The following GRB7 variants were observed in gnomAD, a reference collection of about 807,000 sequenced individuals.
The protein encoded by GRB7 is growth factor receptor-bound protein 7.
Under a neutral mutation model 64.1 loss-of-function variants are expected in GRB7, and 47 were observed. That is an observed-to-expected ratio of 0.73 (90% CI 0.58 to 0.94). The LOEUF (loss-of-function observed/expected upper bound fraction) is 0.94, where lower values mean the gene tolerates loss of function less well. GRB7 is among the 40% of genes least tolerant of loss of function. The pLI, the probability that GRB7 is intolerant of heterozygous loss-of-function variation, is 0.00. For synonymous variants in GRB7, 277 were observed against 279.9 expected, an observed-to-expected ratio of 0.99 and a Z score of 0.10; for missense variants, 634 against 718.4, an observed-to-expected ratio of 0.88 and a Z score of 1.34.
Position 39,742,662 on chromosome 17 carries a change from C to T in GRB7, c.252C>T (p.Leu84=), listed in dbSNP as rs369311695. 59 of 1,605,034 alleles carry T rather than the reference C, an allele frequency of 3.7e-5. No homozygotes were observed. The highest frequency in any genetic ancestry group is 4.7e-5 in the Non-Finnish European group (55 of 1,175,200). ...GTCCTCCCTCACAGAGCCCAATTCT[C>T]GGGGGCCCCTCCAGTGCAAGGGGGC... ...LCSPPSQSPI[L]GGPSSARGLL... Residue 84 remains leucine, a synonymous_variant, in exon 3 of 15, where the codon CTC becomes CTT. Transcript: ENST00000309156.
At position 39,737,958 on chromosome 17, in the gene GRB7, C is replaced by T. The variant is rs1353709508; in HGVS notation, c.-226C>T. On this transcript the variant is annotated 5_prime_UTR_variant, in exon 1 of 15. Coordinates refer to ENST00000309156, the MANE Select transcript of GRB7 (RefSeq NM_005310.5). ...ATTTTAGTTTCCTTGGGCCTGGAAT[C>T]TGGACACACAGGGCTCCCCCCCGCC... The T allele has an allele frequency of 2.6e-5, 4 of 152,330 alleles. No individual in the cohort carries two copies. Among genetic ancestry groups the T allele is most frequent in the Non-Finnish European group, 5.9e-5 (4 of 68,090 alleles). 9.4% of individuals were successfully genotyped at this position (152,330 alleles called of 1,614,324 possible).
At position 39,745,770 on chromosome 17, in the gene GRB7, G is replaced by A. The variant is rs140601127; in HGVS notation, c.1252G>A (p.Gly418Ser). The change falls in exon 12 of 15, where the codon GGC (glycine) becomes AGC (serine). Residue 418 changes from glycine to serine, a missense_variant. Gly to Ser is a moderately conservative substitution (Grantham distance 56). This residue lies in a region of GRB7 where 467 missense variants were observed against 576.6 expected (regional missense o/e 0.81). Transcript: ENST00000309156. ...CCTCAGCCTGCCCATGCCAGCCTCC[G>A]GCACGAGCCTCAGTGCAGGTGGGTG... Reference protein sequence around the residue: ...HRLSLPMPASGTSLSAAIHRT... With the variant: ...HRLSLPMPASSTSLSAAIHRT... 80 of 1,613,840 alleles carry A rather than the reference G, an allele frequency of 5.0e-5. No individual in the cohort carries two copies. Among genetic ancestry groups the A allele is most frequent in the African/African-American group, 9.3e-5 (7 of 74,906 alleles).
Position 39,744,614 on chromosome 17 carries a change from A to G in GRB7, c.863A>G (p.Gln288Arg), listed in dbSNP as rs754579949. The G allele has an allele frequency of 1.9e-5, 30 of 1,611,864 alleles. No homozygotes were observed. In the South Asian group the frequency reaches 2.8e-4, roughly 15 times the overall value. The stretch of plus-strand genomic sequence containing the variant: ...GAGTCCAACGTGTACGTGGTGACGC[A>G]GGGCCGCAAGCTCTACGGGATGCCC... ...VNESNVYVVT[Q>R]GRKLYGMPTD... The change falls in exon 8 of 15, where the codon CAG becomes CGG. Residue 288 changes from glutamine to arginine, a missense_variant. Around this residue, in one of 2 missense-constraint regions of GRB7, gnomAD observed 467 missense variants for 576.6 expected, o/e 0.81. Coordinates refer to ENST00000309156, the MANE Select transcript of GRB7 (RefSeq NM_005310.5).
intron 1 of GRB7, among the ~76,000 whole-genome samples, chr17:39,741,096 T>A (rs1471053011): frequency 6.6e-6 from 1 of 152,194 alleles, no homozygotes; most frequent in East Asian, 1.9e-4. Context: ...GTCTTGAGTG[T>A]CTGTGCAGCC....
At chr17:39,741,310 G>GTTGGGC (rs1292271921) in intron 1 of GRB7, among the ~76,000 whole-genome samples, 2 of 152,212 alleles carry the variant, frequency 1.3e-5, no homozygotes. Context: ...TCAGGAAAGA[G>GTTGGGC]TTGGGCAGGA....
chr17:39,741,456 T>A (rs2059993582), intron 1 of GRB7, among the ~76,000 whole-genome samples: 1 of 152,082 alleles, frequency 6.6e-6, no homozygotes, highest in Non-Finnish European at 1.5e-5. Flanking sequence ...CCCACCTCCT[T>A]CTCCCCTCTG....
At chr17:39,738,979 G>T (rs2059973249) in intron 1 of GRB7, 2 of 1,501,918 alleles carry the variant, frequency 1.3e-6, no homozygotes, top group Non-Finnish European at 1.8e-6. Context: ...GGCTGGAGGG[G>T]TGTATGAGGG....
Position 39,742,671 on chromosome 17 carries a change from C to T in GRB7, c.261C>T (p.Pro87=), listed in dbSNP as rs1317689653. ...PPSQSPILGG[P]SSARGLLPRD... ...CACAGAGCCCAATTCTCGGGGGCCC[C>T]TCCAGTGCAAGGGGGCTGCTCCCCC... The change falls in exon 3 of 15, where the codon CCC becomes CCT. Residue 87 remains proline (P), a synonymous_variant. Transcript: ENST00000309156. 4 of 1,602,122 alleles carry T rather than the reference C, an allele frequency of 2.5e-6. No individual in the cohort carries two copies. The highest frequency in any genetic ancestry group is 1.7e-5 in the Admixed American group (1 of 58,118).
At chr17:39,746,321 C>A (rs1000569285) in intron 14 of GRB7, 119 bp downstream of exon 14, 2 of 806,408 alleles carry the variant, frequency 2.5e-6, no homozygotes, top group East Asian at 2.5e-5. Flanking sequence ...CTTTTCCCTG[C>A]ACAAGAAGTG....
At position 39,742,619 on chromosome 17, in the gene GRB7, C is replaced by A; in HGVS notation, c.209C>A (p.Pro70His). 6.2e-7 allele frequency: 1 copy of A among 1,613,722 alleles called. No individual in the cohort carries two copies. The highest frequency in any genetic ancestry group is 8.5e-7 in the Non-Finnish European group (1 of 1,179,870). The change falls in exon 3 of 15, where the codon CCC becomes CAC. Residue 70 changes from proline (P) to histidine (H), a missense_variant. By Grantham distance (77) the Pro-to-His change is moderately conservative. Transcript: ENST00000309156. ...ACCTCCCTCCCCTCTATCCCCAACCCCTTCCCTGAGCTCTGCAGTCCTCCC... is the reference window on the plus strand; with the variant it reads ...ACCTCCCTCCCCTCTATCCCCAACCACTTCCCTGAGCTCTGCAGTCCTCCC... The part of the protein sequence containing the change: ...RATSLPSIPN[P>H]FPELCSPPSQ...
intron 9 of GRB7, 65 bp from the exon 10 acceptor site, chr17:39,745,178 G>C (rs368179508): frequency 7.2e-7 from 1 of 1,383,944 alleles, no homozygotes; most frequent in Non-Finnish European, 1.0e-6. Flanking sequence ...TGGTCTGAGG[G>C]GGGCGTCACA....
chr17:39,739,270 T>G (rs956211011), intron 1 of GRB7, among the ~76,000 whole-genome samples: 1 of 151,648 alleles, frequency 6.6e-6, no homozygotes, highest in African/African-American at 2.4e-5. Context: ...GGGGACCTCA[T>G]GGAGGCGGGC....
At chr17:39,742,737 G>C in intron 3 of GRB7, 21 bp downstream of exon 3, 28 of 1,539,602 alleles carry the variant, frequency 1.8e-5, no homozygotes, top group Non-Finnish European at 2.4e-5. Flanking sequence ...CCTCAGAAGG[G>C]AAGGGAGGGA....
At chr17:39,740,448 G>A (rs1394316407) in intron 1 of GRB7, among the ~76,000 whole-genome samples, 1 of 152,172 alleles carries the variant, frequency 6.6e-6, no homozygotes, top group Admixed American at 6.5e-5. Context: ...GTGGGGAGGG[G>A]CACCGCCGGG....
chr17:39,744,323 C>T (rs2060024450), intron 7 of GRB7, 116 bp downstream of exon 7: 2 of 1,256,894 alleles, frequency 1.6e-6, no homozygotes, highest in African/African-American at 1.5e-5. Context: ...AGGCCAGCCA[C>T]CTCCAGTTTA....
At position 39,745,450 on chromosome 17, in the gene GRB7, C is replaced by T. The variant is rs2060036436; in HGVS notation, c.1121C>T (p.Ala374Val). Reference protein sequence around the residue: ...LRSASDNTLVAMDFSGHAGRV... With the variant: ...LRSASDNTLVVMDFSGHAGRV... Reference sequence around the variant, plus strand: ...AGTGCCTCAGATAATACCCTGGTGGCCATGGACTTCTCTGGCCATGCTGGG... The same window carrying T: ...AGTGCCTCAGATAATACCCTGGTGGTCATGGACTTCTCTGGCCATGCTGGG... The change falls in exon 11 of 15, where the codon GCC (alanine) becomes GTC (valine). Residue 374 changes from alanine to valine, a missense_variant. Transcript: ENST00000309156. The T allele has an allele frequency of 6.2e-7, 1 of 1,613,990 alleles. No individual in the cohort carries two copies. The highest frequency in any genetic ancestry group is 8.5e-7 in the Non-Finnish European group (1 of 1,179,988).
rs753400167 is a variant in GRB7, at chr17:39,745,999, G to A, written c.1357G>A (p.Gly453Ser). ...RLIGQQGLVD[G>S]LFLVRESQRN... is the part of the protein sequence containing the mutation. ...TATTGGACAGCAGGGCTTGGTAGACGGGTAAGGGGCAGGGCCGGGCAACAG... is the reference window on the plus strand; with the variant it reads ...TATTGGACAGCAGGGCTTGGTAGACAGGTAAGGGGCAGGGCCGGGCAACAG... Residue 453 changes from glycine (G) to serine (S), a missense_variant and splice_region_variant, in exon 13 of 15, where the codon GGC (glycine) becomes AGC (serine). Gly to Ser is a moderately conservative substitution (Grantham distance 56). Transcript: ENST00000309156. 88 of 1,613,924 alleles carry A rather than the reference G, an allele frequency of 5.5e-5. No individual in the cohort carries two copies. The highest frequency in any genetic ancestry group is 7.0e-5 in the Non-Finnish European group (83 of 1,179,936).
At position 39,743,232 on chromosome 17, in the gene GRB7, C is replaced by T. The variant is rs201537552; in HGVS notation, c.516C>T (p.Pro172=). 2.2e-5 allele frequency: 36 copies of T among 1,614,174 alleles called. No individual in the cohort carries two copies. Among genetic ancestry groups the T allele is most frequent in the Admixed American group, 8.3e-5 (5 of 60,034 alleles). Residue 172 remains proline, a synonymous_variant, in exon 5 of 15, where the codon CCC becomes CCT. Transcript: ENST00000309156. The part of the protein sequence containing the change: ...ESVVEVQAAW[P]VGGDSRFVFR... ...TGGTGGAAGTGCAGGCTGCCTGGCC[C>T]GTGGGCGGAGATAGCCGCTTCGTCT... is the stretch of plus-strand genomic sequence containing the variant.
chr17:39,742,722 T>C lies in GRB7; in HGVS notation c.306+6T>C. 1 of 1,549,824 alleles carries C rather than the reference T, an allele frequency of 6.5e-7. No individual in the cohort carries two copies. The highest frequency in any genetic ancestry group is 1.2e-5 in the South Asian group (1 of 81,310). On this transcript the variant is annotated splice_donor_region_variant and intron_variant, in intron 3 of 14. Coordinates refer to ENST00000309156, the MANE Select transcript of GRB7 (RefSeq NM_005310.5). ...GCGATGCCAGCCGCCCCCATGTGAG[T>C]TGTCCCTCAGAAGGGAAGGGAGGGA...
Sources: allele counts gnomAD v4.1 joint callset (sites outside exome capture counted in the v4.1 genomes callset), GRCh38; gene constraint gnomAD v4.1.1; regional missense constraint gnomAD v4.1.1; transcripts MANE v1.5; gene names NCBI Gene and HGNC (gene_info 2026-07-23, HGNC 2026-07-21).